The following CNTNAP3 variants were observed in gnomAD, a reference collection of about 807,000 sequenced individuals.
CNTNAP3 encodes the protein contactin associated protein family member 3, also known as contactin-associated protein-like 3.
In CNTNAP3, 36 loss-of-function variants were observed where a neutral mutation model predicts 92.1. The observed-to-expected ratio is 0.39, with a 90% CI of 0.30 to 0.52. CNTNAP3 has a LOEUF of 0.52. Among genes scored for constraint, CNTNAP3 ranks in the 20% least tolerant of loss-of-function variants. The probability of loss-of-function intolerance (pLI) is 0.76; values close to 1 mark genes in which losing one functional copy is unlikely to be tolerated. For synonymous variants in CNTNAP3, 232 were observed against 422.3 expected (o/e 0.55, Z 5.53); for missense variants, 534 against 1,069.6 (o/e 0.50, Z 6.98).
intron 18 of CNTNAP3, among the ~76,000 whole-genome samples, chr9:39,096,070 C>CGGGTTATATCCCT (rs768993195): frequency 2.1e-4 from 29 of 140,618 alleles, no homozygotes; most frequent in South Asian, 2.4e-4. Flanking sequence ...TCCCATCTGT[C>CGGGTTATATCCCT]TCCTCTGTGC....
chr9:39,085,287 T>G (rs1826040848), intron 21 of CNTNAP3: 2 of 164,606 alleles, frequency 1.2e-5, no homozygotes, highest in Non-Finnish European at 2.5e-5. Context: ...AAAGCAGGGC[T>G]TGAGAGAAAA....
intron 21 of CNTNAP3, among the ~76,000 whole-genome samples, chr9:39,081,608 A>G (rs903918024): frequency 2.0e-5 from 3 of 149,732 alleles, no homozygotes; most frequent in East Asian, 1.9e-4. Context: ...ACGTTGTGGG[A>G]AAAAAAATAT....
intron 12 of CNTNAP3, among the ~76,000 whole-genome samples, chr9:39,136,829 A>C (rs1226917494): frequency 6.6e-6 from 1 of 152,154 alleles, no homozygotes; most frequent in East Asian, 1.9e-4. Flanking sequence ...TGAACCCAGT[A>C]GGCGGAGTTG....
intron 21 of CNTNAP3, among the ~76,000 whole-genome samples, chr9:39,082,574 ATGCTT>A: frequency 6.6e-6 from 1 of 152,302 alleles, no homozygotes; most frequent in Non-Finnish European, 1.5e-5. Flanking sequence ...GTGTCTCCTC[ATGCTT>A]TGCTGGGTTT....
rs749596045 is a variant in CNTNAP3 at position 39,100,143 on chromosome 9, C to T, written c.2763G>A (p.Thr921=). Reference sequence around the variant, plus strand: ...CTAGAAAGCCTCTCTGTCTGGTGGCCGTTCCACCTACAACGGAAACACTGC... The same window carrying T: ...CTAGAAAGCCTCTCTGTCTGGTGGCTGTTCCACCTACAACGGAAACACTGC... ...QLNSQLFIGG[T]ATRQRGFLGC... is the part of the protein sequence containing the mutation. The change falls in exon 18 of 24, where the codon ACG becomes ACA. Residue 921 remains threonine (T), a synonymous_variant. Transcript: ENST00000297668. 9.5e-6 allele frequency: 15 copies of T among 1,581,068 alleles called. No individual in the cohort carries two copies. Among genetic ancestry groups the T allele is most frequent in the East Asian group, 2.3e-5 (1 of 44,322 alleles).
In CNTNAP3 at chr9:39,071,050, A is replaced by T. The variant is rs1825626365; in HGVS notation, c.*2840T>A. Among the ~76,000 whole-genome samples, 1 of 152,228 alleles carries T rather than the reference A, an allele frequency of 6.6e-6. No individual in the cohort carries two copies. The highest frequency in any genetic ancestry group is 2.1e-4 in the South Asian group (1 of 4,836). On this transcript the variant is annotated 3_prime_UTR_variant, in exon 24 of 24. Coordinates refer to ENST00000297668, the MANE Select transcript of CNTNAP3 (RefSeq NM_033655.5). Reference sequence around the variant, plus strand: ...ACAACTTACTAGTACTGCCTACTTGAAGAGATTAGCTCTTACAACCTTATC... The same window carrying T: ...ACAACTTACTAGTACTGCCTACTTGTAGAGATTAGCTCTTACAACCTTATC...
intron 19 of CNTNAP3, among the ~76,000 whole-genome samples, chr9:39,087,893 C>T (rs1233494109): frequency 3.3e-5 from 5 of 152,218 alleles, no homozygotes; most frequent in East Asian, 1.9e-4. Flanking sequence ...CTTGCAATGC[C>T]CCAACTACCA....
rs558552315 is a variant in CNTNAP3 at position 39,118,243 on chromosome 9, G to C, written c.2097C>G (p.Ser699Arg). The change falls in exon 14 of 24, where the codon AGC becomes AGG. Residue 699 changes from serine (S) to arginine (R), a missense_variant. By Grantham distance (110) the Ser-to-Arg change is moderately radical. Coordinates refer to ENST00000297668, the MANE Select transcript of CNTNAP3 (RefSeq NM_033655.5). ...RPDSRDGTPL[S>R]WWVGRTNETH... ...TTTCATTGGTTCTTCCAACCCACCA[G>C]CTCAGTGGGGTTCCATCTGAAAGAC... The C allele has an allele frequency of 3.1e-6, 5 of 1,612,368 alleles. No individual in the cohort carries two copies. The highest frequency in any genetic ancestry group is 4.2e-6 in the Non-Finnish European group (5 of 1,179,552).
rs115343699 is a variant in CNTNAP3, at chr9:39,162,151, G to A, written c.1477+3782C>T. 2.1e-4 allele frequency among the ~76,000 whole-genome samples: 14 copies of A among 66,828 alleles called. No homozygotes were observed. In the East Asian group the frequency reaches 5.0e-3, roughly 24 times the overall value. The allele number at this position is 66,828 out of a possible 152,430, so 43.8% of individuals were successfully genotyped here. The stretch of plus-strand genomic sequence containing the variant: ...GAACTTAACAAGAAAGAAAAAAAAC[G>A]TACCCCATTAAAAAACGGGCAAAGG... On this transcript the variant is annotated intron_variant, in intron 9 of 23. Transcript: ENST00000297668.
intron 21 of CNTNAP3, among the ~76,000 whole-genome samples, chr9:39,081,953 G>C: frequency 6.6e-6 from 1 of 151,948 alleles, no homozygotes; most frequent in East Asian, 1.9e-4. Context: ...CGGGCATGGT[G>C]GTGGGTGCCT....
At chr9:39,142,944 T>G (rs1821611982) in intron 11 of CNTNAP3, among the ~76,000 whole-genome samples, 1 of 151,974 alleles carries the variant, frequency 6.6e-6, no homozygotes, top group African/African-American at 2.4e-5. Context: ...AATTAGGAAC[T>G]CAGGATGAGC....
Position 39,066,049 on chromosome 9 carries a change from T to A in CNTNAP3, c.*7841A>T, listed in dbSNP as rs1331675648. Among the ~76,000 whole-genome samples the A allele has an allele frequency of 3.3e-5, 5 of 152,246 alleles. No individual in the cohort carries two copies. In the East Asian group the frequency reaches 9.6e-4, roughly 29 times the overall value. On this transcript the variant is annotated 3_prime_UTR_variant, in exon 24 of 24. Coordinates refer to ENST00000297668, the MANE Select transcript of CNTNAP3 (RefSeq NM_033655.5). ...TTCTTTGTCCTCTTTCTCATCTTTT[T>A]TGTCTACTTTCAAGCATTTAAAAAT...
intron 21 of CNTNAP3, among the ~76,000 whole-genome samples, chr9:39,084,441 G>C (rs1361034068): frequency 6.6e-6 from 1 of 152,068 alleles, no homozygotes; most frequent in Non-Finnish European, 1.5e-5. Context: ...TGATCCGCCT[G>C]CCTCAGCCTC....
At chr9:39,094,648 T>TTGACTGTA (rs1462467611) in intron 18 of CNTNAP3, among the ~76,000 whole-genome samples, 174 of 151,780 alleles carry the variant, frequency 1.1e-3, no homozygotes, top group African/African-American at 4.0e-3. Flanking sequence ...TAAACATCAA[T>TTGACTGTA]TGACTGTATG....
rs533324897 is a variant in CNTNAP3 at position 39,066,090 on chromosome 9, G to T, written c.*7800C>A. The stretch of plus-strand genomic sequence containing the variant: ...ATTTAAAAATTTATTCTATTTCATC[G>T]CTGCATTGTAATATTATTGTGTAAT... On this transcript the variant is annotated 3_prime_UTR_variant, in exon 24 of 24. Transcript: ENST00000297668. Among the ~76,000 whole-genome samples the T allele has an allele frequency of 2.5e-4, 38 of 151,976 alleles. No individual in the cohort carries two copies. In the South Asian group the frequency reaches 6.0e-3, roughly 24 times the overall value.
intron 12 of CNTNAP3, among the ~76,000 whole-genome samples, chr9:39,134,334 C>G (rs1216288778): frequency 6.6e-6 from 1 of 151,986 alleles, no homozygotes; most frequent in African/African-American, 2.4e-5. Context: ...CTGTACTCAC[C>G]AAAGGAGGCT....
At chr9:39,099,721 C>A in intron 18 of CNTNAP3, 190 bp downstream of exon 18, 1 of 766,170 alleles carries the variant, frequency 1.3e-6, no homozygotes, top group Non-Finnish European at 2.1e-6. Flanking sequence ...CCAGAGAGGA[C>A]TGATAGCCTT....
intron 13 of CNTNAP3, among the ~76,000 whole-genome samples, chr9:39,125,759 GGGT>G (rs1182047938): frequency 6.6e-6 from 1 of 151,984 alleles, no homozygotes. Context: ...AATAATAAAG[GGGT>G]CAATATAACA....
chr9:39,070,341 T>C lies in CNTNAP3; in HGVS notation c.*3549A>G, dbSNP rs1320658427. On this transcript the variant is annotated 3_prime_UTR_variant, in exon 24 of 24. Coordinates refer to ENST00000297668, the MANE Select transcript of CNTNAP3 (RefSeq NM_033655.5). Reference sequence around the variant, plus strand: ...AGTACTCTTCAGCCATAAAAGAGAATGAGATCCTGTCACTTGCGACAGCAT... The same window carrying C: ...AGTACTCTTCAGCCATAAAAGAGAACGAGATCCTGTCACTTGCGACAGCAT... Among the ~76,000 whole-genome samples the C allele has an allele frequency of 7.7e-6, 1 of 129,972 alleles. No individual in the cohort carries two copies. Among genetic ancestry groups the C allele is most frequent in the Admixed American group, 7.9e-5 (1 of 12,718 alleles). The allele number at this position is 129,972 out of a possible 152,430, so 85.3% of individuals were successfully genotyped here.
Sources: gnomAD v4.1 joint callset for allele counts (sites outside exome capture counted in the v4.1 genomes callset) on GRCh38, gnomAD v4.1.1 for gene constraint, MANE v1.5 for transcripts, NCBI Gene and HGNC (gene_info 2026-07-23, HGNC 2026-07-21) for gene names.